STK3: variants seen among roughly 807,000 people sequenced by gnomAD.
STK3 encodes the protein serine/threonine-protein kinase 3.
STK3 carries 41 observed loss-of-function variants against 58.0 expected under a neutral mutation model. The observed-to-expected ratio is 0.71, with a 90% CI of 0.55 to 0.92. STK3 has a LOEUF of 0.92. STK3 is among the 40% of genes least tolerant of loss of function. STK3 has a pLI of 0.00. For missense variants in STK3, 479 were observed against 602.7 expected, an observed-to-expected ratio of 0.79 and a Z score of 2.15; for synonymous variants, 170 against 191.0, an observed-to-expected ratio of 0.89 and a Z score of 0.91.
chr8:98,611,719 G>A (rs1490636029), intron 6 of STK3, among the ~76,000 whole-genome samples: 2 of 152,176 alleles, frequency 1.3e-5, no homozygotes, highest in East Asian at 3.8e-4. Flanking sequence ...CACCTGGGAA[G>A]CATTCTAAAA....
chr8:98,824,453 G>A (rs1835118012), intron 1 of STK3, among the ~76,000 whole-genome samples: 1 of 152,140 alleles, frequency 6.6e-6, no homozygotes, highest in Non-Finnish European at 1.5e-5. Context: ...AGTTCTTCCA[G>A]AAAAGAAAAA....
At chr8:98,652,344 A>G (rs78783310) in intron 6 of STK3, among the ~76,000 whole-genome samples, 13 of 152,196 alleles carry the variant, frequency 8.5e-5, no homozygotes, top group Non-Finnish European at 1.5e-5. Context: ...CTAAACATGG[A>G]AAGGAACAAC....
intron 10 of STK3, among the ~76,000 whole-genome samples, chr8:98,458,376 T>C (rs1292496189): frequency 2.0e-5 from 3 of 152,220 alleles, no homozygotes; most frequent in East Asian, 3.8e-4. Context: ...GTTCTCCCTG[T>C]AGGGATCTTT....
intron 10 of STK3, among the ~76,000 whole-genome samples, chr8:98,505,786 T>G (rs35909720): frequency 0.012 from 1,752 of 152,210 alleles, 11 homozygotes; most frequent in Non-Finnish European, 0.018. Flanking sequence ...CAGAGGGGCA[T>G]CTGGCTGTGT....
chr8:98,616,975 A>G (rs893878484), intron 6 of STK3, among the ~76,000 whole-genome samples: 1 of 152,206 alleles, frequency 6.6e-6, no homozygotes, highest in Non-Finnish European at 1.5e-5. Context: ...ATAGACATCT[A>G]CAGAACTCTC....
intron 3 of STK3, chr8:98,432,412 TG>T (rs1452789775): frequency 6.0e-6 from 1 of 167,064 alleles, no homozygotes; most frequent in African/African-American, 2.4e-5. Context: ...AGTGCTGGGT[TG>T]GGAAGTGACA....
At chr8:98,761,463 T>C (rs540419705) in intron 3 of STK3, among the ~76,000 whole-genome samples, 1 of 152,320 alleles carries the variant, frequency 6.6e-6, no homozygotes, top group African/African-American at 2.4e-5. Flanking sequence ...AATTTCATTC[T>C]AATTGAAGAA....
intron 1 of STK3, among the ~76,000 whole-genome samples, chr8:98,385,188 C>T (rs192283494): frequency 6.6e-6 from 1 of 151,808 alleles, no homozygotes; most frequent in East Asian, 1.9e-4. Flanking sequence ...CCTGTTGTGC[C>T]TTCCTCCCAC....
At chr8:98,827,058 G>A (rs1378689573), upstream of STK3, among the ~76,000 whole-genome samples, 7 of 134,542 alleles carry the variant, frequency 5.2e-5, no homozygotes, top group South Asian at 1.7e-3. Flanking sequence ...AAGATGGGCC[G>A]GGCGCGGTGG....
At chr8:98,469,685 AGTAAATCT>A (rs1377003055) in intron 10 of STK3, among the ~76,000 whole-genome samples, 3 of 152,250 alleles carry the variant, frequency 2.0e-5, no homozygotes, top group African/African-American at 7.2e-5. Context: ...TAGTTTTGCT[AGTAAATCT>A]TCACATTTTT....
At chr8:98,478,574 T>A (rs993270229) in intron 10 of STK3, among the ~76,000 whole-genome samples, 1 of 152,176 alleles carries the variant, frequency 6.6e-6, no homozygotes, top group Non-Finnish European at 1.5e-5. Context: ...TTCAGATGAC[T>A]AAAACTAGCT....
At chr8:98,628,553 T>C (rs1818911798) in intron 6 of STK3, among the ~76,000 whole-genome samples, 1 of 151,966 alleles carries the variant, frequency 6.6e-6, no homozygotes. Context: ...TCCCAGCACT[T>C]TGGAAGGCAG....
At chr8:98,585,475 A>ACCAT (rs1391286537) in intron 7 of STK3, among the ~76,000 whole-genome samples, 1 of 151,266 alleles carries the variant, frequency 6.6e-6, no homozygotes, top group Non-Finnish European at 1.5e-5. Flanking sequence ...TGGTACCAGT[A>ACCAT]CCATGCTGTT....
At chr8:98,691,991 A>G (rs150269919) in intron 6 of STK3, among the ~76,000 whole-genome samples, 60 of 152,200 alleles carry the variant, frequency 3.9e-4, no homozygotes, top group Non-Finnish European at 7.9e-4. Flanking sequence ...GATATACATA[A>G]TGGATAATGG....
intron 6 of STK3, among the ~76,000 whole-genome samples, chr8:98,624,423 A>G (rs940600756): frequency 6.6e-6 from 1 of 152,230 alleles, no homozygotes; most frequent in African/African-American, 2.4e-5. Flanking sequence ...AGAGTTATGT[A>G]AAACTTTATC....
chr8:98,731,624 G>A (rs1828212027), intron 4 of STK3, among the ~76,000 whole-genome samples: 1 of 151,764 alleles, frequency 6.6e-6, no homozygotes, highest in Admixed American at 6.6e-5. Context: ...TCGGGAGGCT[G>A]AGGCAGGAGA....
At chr8:98,928,259 T>A (rs1213786802) in intron 1 of STK3, among the ~76,000 whole-genome samples, 1 of 152,138 alleles carries the variant, frequency 6.6e-6, no homozygotes, top group East Asian at 1.9e-4. Flanking sequence ...TGGAGAGAAA[T>A]CTAAAGCTAA....
At chr8:98,648,833 G>A (rs1820624968) in intron 6 of STK3, among the ~76,000 whole-genome samples, 3 of 151,734 alleles carry the variant, frequency 2.0e-5, no homozygotes, top group Admixed American at 2.0e-4. Flanking sequence ...GGAAGTTGCA[G>A]TGAGCCAAGA....
chr8:98,485,469 A>G (rs188142295), intron 10 of STK3, among the ~76,000 whole-genome samples: 14 of 152,356 alleles, frequency 9.2e-5, no homozygotes, highest in Non-Finnish European at 4.4e-5. Flanking sequence ...AGGCTTTCCA[A>G]CACATTATCA....
Sources: gnomAD v4.1 joint callset for allele counts (sites outside exome capture counted in the v4.1 genomes callset) on GRCh38, gnomAD v4.1.1 for gene constraint, MANE v1.5 for transcripts, NCBI Gene and HGNC (gene_info 2026-07-23, HGNC 2026-07-21) for gene names.